The following COBL variants were observed in gnomAD, a reference collection of about 807,000 sequenced individuals.
The protein encoded by COBL is protein cordon-bleu.
COBL carries 51 observed loss-of-function variants against 98.8 expected under a neutral mutation model. The observed-to-expected ratio is 0.52, with a 90% CI of 0.41 to 0.65. The LOEUF (loss-of-function observed/expected upper bound fraction) is 0.65. Ranked by LOEUF, COBL falls within the 30% of genes least tolerant of loss-of-function variation. COBL has a pLI of 0.00. For synonymous variants in COBL, 634 were observed against 651.7 expected (o/e 0.97, Z 0.41); for missense variants, 1,617 against 1,617.5 (o/e 1.00, Z 0.01).
chr7:51,162,563 AC>A (rs1786921098), intron 5 of COBL, among the ~76,000 whole-genome samples: 1 of 152,176 alleles, frequency 6.6e-6, no homozygotes, highest in South Asian at 2.1e-4. Context: ...ATAATAAACC[AC>A]TTACATTTTC....
chr7:51,267,735 A>G (rs1162032454), intron 1 of COBL, among the ~76,000 whole-genome samples: 1 of 151,896 alleles, frequency 6.6e-6, no homozygotes, highest in East Asian at 1.9e-4. Flanking sequence ...CACCATGCCC[A>G]GCTAAGTTTT....
chr7:51,184,318 G>A, intron 4 of COBL, 119 bp from the exon 5 acceptor site: 1 of 583,740 alleles, frequency 1.7e-6, no homozygotes. Context: ...TTGTAAGAGA[G>A]GGAAAGCCAT....
At chr7:51,285,191 C>T (rs1023838818) in intron 1 of COBL, among the ~76,000 whole-genome samples, 5 of 152,016 alleles carry the variant, frequency 3.3e-5, no homozygotes, top group East Asian at 1.9e-4. Context: ...GTGATCCACC[C>T]GCCTCAGCCT....
intron 5 of COBL, among the ~76,000 whole-genome samples, chr7:51,140,061 C>T (rs1026419860): frequency 6.6e-6 from 1 of 152,054 alleles, no homozygotes; most frequent in Non-Finnish European, 1.5e-5. Context: ...AAGGTTGGCA[C>T]CAAAATCCAC....
chr7:51,172,274 C>A (rs1430353583), intron 5 of COBL, among the ~76,000 whole-genome samples: 1 of 152,192 alleles, frequency 6.6e-6, no homozygotes, highest in Non-Finnish European at 1.5e-5. Flanking sequence ...AAATATTCCA[C>A]GTATTCCAAA....
At chr7:51,209,787 C>T (rs1344263535) in intron 2 of COBL, among the ~76,000 whole-genome samples, 1 of 152,154 alleles carries the variant, frequency 6.6e-6, no homozygotes, top group Non-Finnish European at 1.5e-5. Context: ...TCTGACCTGA[C>T]TTGCTTTCCC....
chr7:51,085,343 T>G, intron 6 of COBL, 39 bp from the exon 7 acceptor site: 1 of 495,934 alleles, frequency 2.0e-6, no homozygotes, highest in Non-Finnish European at 2.7e-6. Flanking sequence ...TCAAAGTACT[T>G]TGTACCTATG....
intron 5 of COBL, among the ~76,000 whole-genome samples, chr7:51,162,255 T>C (rs910943168): frequency 6.6e-6 from 1 of 152,178 alleles, no homozygotes; most frequent in African/African-American, 2.4e-5. Flanking sequence ...CCCGCAGGTG[T>C]CCAGTGCAGC....
intron 1 of COBL, among the ~76,000 whole-genome samples, chr7:51,244,102 T>A (rs1436301581): frequency 1.3e-5 from 2 of 152,170 alleles, no homozygotes; most frequent in Non-Finnish European, 2.9e-5. Context: ...CCAGCACAGT[T>A]TTCTGCACAC....
At chr7:51,316,495 C>T (rs879405575) in intron 1 of COBL, 98 bp downstream of exon 1, 351 of 919,322 alleles carry the variant, frequency 3.8e-4, no homozygotes, top group Non-Finnish European at 4.8e-4. Flanking sequence ...GCTGGGGCGG[C>T]AGAGAGGGCG....
At chr7:51,311,592 T>C (rs907814375) in intron 1 of COBL, among the ~76,000 whole-genome samples, 2 of 152,166 alleles carry the variant, frequency 1.3e-5, no homozygotes. Context: ...TAAGGAATTA[T>C]GGAACCCTGA....
At chr7:51,176,767 T>TA (rs1418736779) in intron 5 of COBL, among the ~76,000 whole-genome samples, 1 of 152,232 alleles carries the variant, frequency 6.6e-6, no homozygotes, top group African/African-American at 2.4e-5. Context: ...GACTCGTGGC[T>TA]AAAATCTTAA....
Position 51,085,268 on chromosome 7 carries a change from T to A in COBL, c.994A>T (p.Lys332Ter). ...LGSQIDLQKK[K>*]RRAPAPPPPQ... is the part of the protein sequence containing the mutation. ...GGAGGGGGAGCTGGCGCTCGCCGCT[T>A]CTTCTTCTGTAAATCAATCTGTGAC... The change falls in exon 7 of 13, where the codon AAG becomes TAG. Residue 332 changes from lysine (K) to a stop codon, truncating the protein, a stop_gained. Transcript: ENST00000265136. LOFTEE classifies it high-confidence loss of function. The A allele has an allele frequency of 6.3e-7, 1 of 1,587,244 alleles. No homozygotes were observed. The highest frequency in any genetic ancestry group is 8.6e-7 in the Non-Finnish European group (1 of 1,166,594).
At chr7:51,308,365 AGT>A (rs1802684210) in intron 1 of COBL, among the ~76,000 whole-genome samples, 1 of 152,188 alleles carries the variant, frequency 6.6e-6, no homozygotes, top group Non-Finnish European at 1.5e-5. Flanking sequence ...TGCTTTGCCA[AGT>A]GCTGGAAGTT....
chr7:51,058,972 C>T (rs916343985), intron 7 of COBL, among the ~76,000 whole-genome samples: 1 of 152,226 alleles, frequency 6.6e-6, no homozygotes, highest in Non-Finnish European at 1.5e-5. Flanking sequence ...CTCATGTCCT[C>T]CCATGTCCCC....
At chr7:51,305,737 C>CTCG (rs1318915686) in intron 1 of COBL, among the ~76,000 whole-genome samples, 1 of 152,176 alleles carries the variant, frequency 6.6e-6, no homozygotes, top group Non-Finnish European at 1.5e-5. Flanking sequence ...GCGCTTAAAA[C>CTCG]ATTGTACTCG....
chr7:51,089,274 G>C (rs903057492), intron 6 of COBL, among the ~76,000 whole-genome samples: 2 of 152,148 alleles, frequency 1.3e-5, no homozygotes, highest in Non-Finnish European at 1.5e-5. Flanking sequence ...AGCACTTTGG[G>C]AGGCTGAGGC....
At position 51,053,268 on chromosome 7, in the gene COBL, G is replaced by C. The variant is rs557636523; in HGVS notation, c.1097-9576C>G. 1.2e-4 allele frequency among the ~76,000 whole-genome samples: 18 copies of C among 152,256 alleles called. No homozygotes were observed. The South Asian group carries it at 3.5e-3, about 30-fold the overall frequency. On this transcript the variant is annotated intron_variant, in intron 7 of 12. Coordinates refer to ENST00000265136, the MANE Select transcript of COBL (RefSeq NM_015198.5). ...TTGAAATTCACTGTGATTTAAATAA[G>C]AAATAAAATAGATCTCTACGGATGA...
At chr7:51,127,759 T>C (rs1482741963) in intron 6 of COBL, among the ~76,000 whole-genome samples, 2 of 152,150 alleles carry the variant, frequency 1.3e-5, no homozygotes, top group African/African-American at 4.8e-5. Context: ...TTAAGAGCAG[T>C]CCCAGAGAGC....
Sources: gnomAD v4.1 joint callset for allele counts (sites outside exome capture counted in the v4.1 genomes callset) on GRCh38, gnomAD v4.1.1 for gene constraint, MANE v1.5 for transcripts, NCBI Gene and HGNC (gene_info 2026-07-23, HGNC 2026-07-21) for gene names.